Variants in L1CAM observed in about 807,000 individuals in gnomAD.
The protein encoded by L1CAM is neural cell adhesion molecule L1.
In L1CAM, 8 loss-of-function variants were observed where a neutral mutation model predicts 93.0. That is an observed-to-expected ratio of 0.09 (90% CI 0.05 to 0.16). The LOEUF is 0.16. Among genes scored for constraint, L1CAM ranks in the 10% least tolerant of loss-of-function variants. The probability of loss-of-function intolerance (pLI) is 1.00; values close to 1 mark genes in which losing one functional copy is unlikely to be tolerated. For missense variants in L1CAM, 777 were observed against 1,073.4 expected (o/e 0.72, Z 3.86); for synonymous variants, 453 against 453.0 (o/e 1.00, Z 0.00).
intron 1 of L1CAM, 69 bp from the exon 2 acceptor site, chrX:153,876,013 C>G (rs1311135869): frequency 6.1e-6 from 3 of 489,250 alleles, no homozygotes; most frequent in South Asian, 2.8e-5. Flanking sequence ...ACGTTAGTGA[C>G]TAACATCTGG....
At position 153,868,103 on chromosome X, in the gene L1CAM, G is replaced by C. The variant is rs1569544745; in HGVS notation, c.1723C>G (p.Arg575Gly). Residue 575 changes from arginine to glycine, a missense_variant, in exon 15 of 29, where the codon CGC (arginine) becomes GGC (glycine). By Grantham distance (125) the Arg-to-Gly change is moderately radical (BLOSUM62 -2). Coordinates refer to ENST00000370060, the MANE Select transcript of L1CAM (RefSeq NM_001278116.2). Reference protein sequence around the residue: ...DSDKYFIEDGRLVIHSLDYSD... With the variant: ...DSDKYFIEDGGLVIHSLDYSD... ...TAGTCCAGGCTGTGGATGACCAGGC[G>C]CCCATCCTCTATGAAGTACCTGCGG... 4.1e-6 allele frequency: 5 copies of C among 1,210,691 alleles called. No homozygotes were observed. The highest frequency in any genetic ancestry group is 5.6e-6 in the Non-Finnish European group (5 of 895,269).
At chrX:153,867,955 A>G (rs1557091581) in intron 15 of L1CAM, 43 bp downstream of exon 15, 1 of 1,209,720 alleles carries the variant, frequency 8.3e-7, no homozygotes, top group Admixed American at 2.2e-5. Context: ...CAGGGATGTG[A>G]GCCCCGGCCT....
chrX:153,867,812 C>T lies in L1CAM; in HGVS notation c.1927G>A (p.Ala643Thr), dbSNP rs369812595. The change falls in exon 16 of 29, where the codon GCC becomes ACC. Residue 643 changes from alanine to threonine, a missense_variant. This residue lies in a region of L1CAM where 574 missense variants were observed against 781.0 expected (regional missense o/e 0.73). Coordinates refer to ENST00000370060, the MANE Select transcript of L1CAM (RefSeq NM_001278116.2). ...TCAAGCCTCTTACTCTCAATGGGGG[C>T]ATTGTGGTCTTCTGCAGGACTCCAG... ...VSWSPAEDHN[A>T]PIEKYDIEFE... 1 of 1,205,268 alleles carries T rather than the reference C, an allele frequency of 8.3e-7. No individual in the cohort carries two copies. Among genetic ancestry groups the T allele is most frequent in the South Asian group, 1.8e-5 (1 of 56,688 alleles).
intron 16 of L1CAM, 23 bp downstream of exon 16, chrX:153,867,777 G>A (rs375119031): frequency 2.2e-5 from 25 of 1,162,229 alleles, no homozygotes; most frequent in Non-Finnish European, 2.8e-5. Flanking sequence ...ACGGTGGGGT[G>A]GCACTGAGCT....
At chrX:153,883,647 C>G in intron 1 of L1CAM, 2 of 297,932 alleles carry the variant, frequency 6.7e-6, no homozygotes, top group Admixed American at 7.4e-5. Flanking sequence ...CCGCCTCCCC[C>G]ACTGTCTGAA....
In L1CAM at chrX:153,867,375, A is replaced by T; in HGVS notation, c.2118T>A (p.Thr706=). The change falls in exon 17 of 29, where the codon ACT becomes ACA. Residue 706 remains threonine, a synonymous_variant. Transcript: ENST00000370060. The part of the protein sequence containing the change: ...GPGEPSPVSE[T]VVTPEAAPEK... ...ACTCACCTGCCTCAGGTGTGACCAC[A>T]GTCTCAGAGACCGGGCTGGGCTCCC... is the stretch of plus-strand genomic sequence containing the variant. 4 of 1,209,863 alleles carry T rather than the reference A, an allele frequency of 3.3e-6. No homozygotes were observed. Among genetic ancestry groups the T allele is most frequent in the Non-Finnish European group, 4.5e-6 (4 of 894,591 alleles).
intron 18 of L1CAM, 85 bp downstream of exon 18, chrX:153,866,969 C>G: frequency 8.8e-7 from 1 of 1,131,959 alleles, no homozygotes. Context: ...ACATCAGCCC[C>G]TTCCTTTGCA....
In L1CAM at chrX:153,870,258, GGAAGAGAGCA is replaced by G; in HGVS notation, c.807-28_807-19del. ...GCGTGGGACTGCCCGGGAGGCAAAG[GGAAGAGAGCA>G]GAAGGGAGAAAGGACAAGGCCAATC... On this transcript the variant is annotated intron_variant, in intron 8 of 28. Transcript: ENST00000370060. 1 of 1,207,130 alleles carries G rather than the reference GGAAGAGAGCA, an allele frequency of 8.3e-7. No individual in the cohort carries two copies. The highest frequency in any genetic ancestry group is 1.1e-6 in the Non-Finnish European group (1 of 891,696).
In L1CAM at chrX:153,865,391, C is replaced by T. The variant is rs142603269; in HGVS notation, c.2657G>A (p.Arg886Gln). The stretch of plus-strand genomic sequence containing the variant: ...CTCCAGGTGGTAGGAGCTATAGGGC[C>T]GCAAGCCACTGAGGATGACACTGGT... Reference protein sequence around the residue: ...NTTSVILSGLRPYSSYHLEVQ... With the variant: ...NTTSVILSGLQPYSSYHLEVQ... Residue 886 changes from arginine (R) to glutamine (Q), a missense_variant, in exon 21 of 29, where the codon CGG becomes CAG. By Grantham distance (43) the Arg-to-Gln change is conservative. Coordinates refer to ENST00000370060, the MANE Select transcript of L1CAM (RefSeq NM_001278116.2). 79 of 1,209,542 alleles carry T rather than the reference C, an allele frequency of 6.5e-5. No individual in the cohort carries two copies. In the African/African-American group the frequency reaches 9.4e-4, roughly 14 times the overall value.
chrX:153,863,803 G>T, intron 26 of L1CAM, 80 bp downstream of exon 26: 1 of 1,156,583 alleles, frequency 8.6e-7, no homozygotes, highest in South Asian at 1.8e-5. Flanking sequence ...AATCCAGGAG[G>T]CCTTGCAGAA....
chrX:153,877,711 C>T (rs1225444753), intron 1 of L1CAM, among the ~76,000 whole-genome samples: 7 of 111,686 alleles, frequency 6.3e-5, no homozygotes, highest in African/African-American at 2.3e-4. Flanking sequence ...AAACAACCCC[C>T]TGCTGCTCCT....
chrX:153,873,920 G>A (rs782110743), intron 2 of L1CAM, among the ~76,000 whole-genome samples: 1 of 112,503 alleles, frequency 8.9e-6, no homozygotes, highest in Non-Finnish European at 1.9e-5. Context: ...TGGCCAGGGC[G>A]GCCTCGAGGA....
rs202173969 is a variant in L1CAM, at chrX:153,875,825, C to G, written c.12G>C (p.Ala4=). 6.6e-6 allele frequency: 8 copies of G among 1,207,397 alleles called. No individual in the cohort carries two copies. The African/African-American group carries it at 8.8e-5, about 13-fold the overall frequency. Residue 4 remains alanine, a synonymous_variant, in exon 2 of 29, where the codon GCG becomes GCC. Transcript: ENST00000370060. ...GGAGGAGAGGCCACACGTACCGCAG[C>G]GCCACGACCATCTTTCCCGGCGGCA... The part of the protein sequence containing the change: MVV[A]LRYVWPLLLC...
intron 1 of L1CAM, chrX:153,884,341 G>A: frequency 1.2e-6 from 1 of 808,787 alleles, no homozygotes; most frequent in East Asian, 6.7e-5. Context: ...TTGTCCTCCT[G>A]ATGCTCAGCA....
At chrX:153,864,227 C>T in intron 25 of L1CAM, 95 bp downstream of exon 25, 3 of 1,058,856 alleles carry the variant, frequency 2.8e-6, no homozygotes, top group African/African-American at 1.8e-5. Flanking sequence ...GTGGAGGGAG[C>T]CTGGGCAGTA....
intron 1 of L1CAM, chrX:153,884,293 G>T: frequency 1.0e-6 from 1 of 983,330 alleles, no homozygotes; most frequent in African/African-American, 2.0e-5. Flanking sequence ...CTCTTCACTG[G>T]CTGCAGGGCA....
chrX:153,870,629 G>A lies in L1CAM; in HGVS notation c.695-130C>T. The A allele has an allele frequency of 1.0e-5, 8 of 778,015 alleles. No homozygotes were observed. In the South Asian group the frequency reaches 1.5e-4, roughly 15 times the overall value. The allele number at this position is 778,015 out of a possible 1,213,427, so 64.1% of individuals were successfully genotyped here. ...CTTCCTCCATTAAGGAGAGTGTCCT[G>A]TCTCTGCTCTCGACGCCTGGGAAGG... On this transcript the variant is annotated intron_variant, in intron 7 of 28. Transcript: ENST00000370060.
intron 3 of L1CAM, 192 bp from the exon 4 acceptor site, chrX:153,872,889 T>C (rs977604273): frequency 2.1e-6 from 1 of 468,324 alleles, no homozygotes; most frequent in Admixed American, 3.4e-5. Context: ...GACAGCCACG[T>C]AAGTTACAAA....
chrX:153,864,725 G>C (rs782243686), intron 23 of L1CAM, 21 bp from the exon 24 acceptor site: 2 of 1,210,797 alleles, frequency 1.7e-6, no homozygotes, highest in African/African-American at 1.7e-5. Flanking sequence ...GCAGGGGAAC[G>C]AGGAGAGTGT....
Sources: allele counts gnomAD v4.1 joint callset (sites outside exome capture counted in the v4.1 genomes callset), GRCh38; gene constraint gnomAD v4.1.1; regional missense constraint gnomAD v4.1.1; transcripts MANE v1.5; gene names NCBI Gene and HGNC (gene_info 2026-07-23, HGNC 2026-07-21).